LYSMD4: variants seen among roughly 807,000 people sequenced by gnomAD.
The protein encoded by LYSMD4 is LysM domain containing 4, also known as lysM and putative peptidoglycan-binding domain-containing protein 4.
LYSMD4 carries 9 observed loss-of-function variants against 6.1 expected under a neutral mutation model. The observed-to-expected ratio is 1.47, with a 90% CI of 0.88 to 2.56. The LOEUF is 2.56. Among genes scored for constraint, LYSMD4 ranks in the 30% most tolerant of loss-of-function variants. The pLI, the probability that LYSMD4 is intolerant of heterozygous loss-of-function variation, is 0.00. For missense variants in LYSMD4, 384 were observed against 373.5 expected, an observed-to-expected ratio of 1.03 and a Z score of -0.23; for synonymous variants, 143 against 148.5, an observed-to-expected ratio of 0.96 and a Z score of 0.27.
At position 99,732,016 on chromosome 15, in the gene LYSMD4, C is replaced by T. The variant is rs753645503; in HGVS notation, c.-8-9G>A. On this transcript the variant is annotated splice_polypyrimidine_tract_variant and intron_variant, in intron 1 of 2. Transcript: ENST00000684762. ...GTGCCTCATTTTCTTCACTGAAAATCAAGCCGGAGGGTTAATTCCACAGAA... is the reference window on the plus strand; with the variant it reads ...GTGCCTCATTTTCTTCACTGAAAATTAAGCCGGAGGGTTAATTCCACAGAA... 9.7e-6 allele frequency: 15 copies of T among 1,541,620 alleles called. No individual in the cohort carries two copies. In the East Asian group the frequency reaches 3.6e-4, roughly 37 times the overall value.
At chr15:99,731,198 G>A in intron 2 of LYSMD4, 1 of 1,612,710 alleles carries the variant, frequency 6.2e-7, no homozygotes. Flanking sequence ...CACTCTGAAT[G>A]CTGAAAACAT....
chr15:99,728,766 C>G lies in LYSMD4; in HGVS notation c.*357G>C. 3.7e-6 allele frequency: 1 copy of G among 269,124 alleles called. No homozygotes were observed. Among genetic ancestry groups the G allele is most frequent in the Non-Finnish European group, 7.3e-6 (1 of 137,118 alleles). The allele number at this position is 269,124 out of a possible 1,614,324, so 16.7% of individuals were successfully genotyped here. On this transcript the variant is annotated 3_prime_UTR_variant, in exon 3 of 3. Coordinates refer to ENST00000684762, the MANE Select transcript of LYSMD4 (RefSeq NM_001284417.2). Reference sequence around the variant, plus strand: ...GCAAGCCGCGCAGATGCCACTGGCTCTCACGCTGCAGGTCCCTCGACAGAG... The same window carrying G: ...GCAAGCCGCGCAGATGCCACTGGCTGTCACGCTGCAGGTCCCTCGACAGAG...
In LYSMD4 at chr15:99,729,032, A is replaced by G; in HGVS notation, c.*91T>C. Reference sequence around the variant, plus strand: ...AAAGTGTCCATCCTTCCCCGGAAGCAAAATGCAGCACCCCTAGGACATCGC... The same window carrying G: ...AAAGTGTCCATCCTTCCCCGGAAGCGAAATGCAGCACCCCTAGGACATCGC... On this transcript the variant is annotated 3_prime_UTR_variant, in exon 3 of 3. Transcript: ENST00000684762. The G allele has an allele frequency of 6.5e-7, 1 of 1,536,472 alleles. No individual in the cohort carries two copies. The highest frequency in any genetic ancestry group is 1.9e-5 in the Admixed American group (1 of 53,732).
At position 99,731,512 on chromosome 15, in the gene LYSMD4, TC is replaced by T. The variant is rs2059411088; in HGVS notation, c.282+205del. On this transcript the variant is annotated intron_variant, in intron 2 of 2. Coordinates refer to ENST00000684762, the MANE Select transcript of LYSMD4 (RefSeq NM_001284417.2). ...TGCAGAGAAAGAAATGCGCTAACCC[TC>T]CCTCTTTGGGGGCCAGGGTTGGGAA... The T allele has an allele frequency of 3.2e-6, 5 of 1,571,650 alleles. No individual in the cohort carries two copies. In the South Asian group the frequency reaches 6.0e-5, roughly 19 times the overall value.
intron 2 of LYSMD4, chr15:99,731,372 A>G: frequency 6.2e-7 from 1 of 1,613,454 alleles, no homozygotes; most frequent in Non-Finnish European, 8.5e-7. Flanking sequence ...GAAATCCGGA[A>G]TTAAATTCTG....
chr15:99,731,611 C>A, intron 2 of LYSMD4, 107 bp downstream of exon 2: 1 of 1,523,270 alleles, frequency 6.6e-7, no homozygotes. Flanking sequence ...CAGGCCTCTC[C>A]TGACGGCCTG....
downstream of LYSMD4, among the ~76,000 whole-genome samples, chr15:99,725,446 A>G (rs569817882): frequency 3.9e-5 from 6 of 152,244 alleles, no homozygotes; most frequent in African/African-American, 1.4e-4. Flanking sequence ...GGCCTCCACG[A>G]TCGCGATGGC....
rs2059461194 is a variant in LYSMD4, at chr15:99,733,090, A to G, written c.-9+255T>C. On this transcript the variant is annotated intron_variant, in intron 1 of 2. Coordinates refer to ENST00000684762, the MANE Select transcript of LYSMD4 (RefSeq NM_001284417.2). The stretch of plus-strand genomic sequence containing the variant: ...GGAAAATGGGGAGCGGCCCGGCCCC[A>G]GGGCTCCACGGCTCCACGGGCGGGG... 1.1e-5 allele frequency: 4 copies of G among 355,838 alleles called. No individual in the cohort carries two copies. In the East Asian group the frequency reaches 1.2e-4, roughly 11 times the overall value. 22.0% of individuals were successfully genotyped at this position (355,838 alleles called of 1,614,324 possible).
At chr15:99,731,047 T>C (rs1165324154) in intron 2 of LYSMD4, 2 of 838,440 alleles carry the variant, frequency 2.4e-6, no homozygotes, top group African/African-American at 1.7e-5. Context: ...GAAAGAGATT[T>C]CTTAAATTAA....
At chr15:99,716,449 C>T (rs757500344) in exon 1 of LYSMD4, 1 of 455,624 alleles carries the variant, frequency 2.2e-6, no homozygotes, top group South Asian at 1.6e-5. Flanking sequence ...TGTTTGTCTC[C>T]CGCACTCACT....
At chr15:99,725,374 C>T (rs1176646451), downstream of LYSMD4, among the ~76,000 whole-genome samples, 1 of 152,196 alleles carries the variant, frequency 6.6e-6, no homozygotes, top group African/African-American at 2.4e-5. Context: ...ACATTCTCAC[C>T]ACCTGTTTCT....
exon 1 of LYSMD4, chr15:99,716,872 T>C (rs1021218675): frequency 9.3e-5 from 33 of 353,016 alleles, no homozygotes; most frequent in African/African-American, 7.1e-4. Context: ...TAGCTATCAT[T>C]AGATTCTGGG....
At chr15:99,716,144 CT>C (rs1267784942) in exon 1 of LYSMD4, 1 of 158,810 alleles carries the variant, frequency 6.3e-6, no homozygotes, top group Non-Finnish European at 1.4e-5. Flanking sequence ...CTTCACTTTG[CT>C]GTGCAAGAAG....
exon 1 of LYSMD4, chr15:99,716,483 C>A (rs758936701): frequency 4.4e-6 from 2 of 456,710 alleles, no homozygotes; most frequent in Non-Finnish European, 8.8e-6. Context: ...ACTGGCTCTT[C>A]CTGTGCGTCG....
chr15:99,722,534 G>A (rs1469580575), downstream of LYSMD4, among the ~76,000 whole-genome samples: 2 of 152,164 alleles, frequency 1.3e-5, no homozygotes, highest in African/African-American at 2.4e-5. Flanking sequence ...AGAAAAACAA[G>A]AACATACAAT....
At chr15:99,716,661 C>T in exon 1 of LYSMD4, 2 of 456,804 alleles carry the variant, frequency 4.4e-6, no homozygotes, top group Middle Eastern at 3.3e-4. Flanking sequence ...AACGCCCCCA[C>T]TGGCCTCCCC....
chr15:99,722,326 C>G (rs569252249), upstream of LYSMD4, among the ~76,000 whole-genome samples: 1 of 152,048 alleles, frequency 6.6e-6, no homozygotes, highest in Non-Finnish European at 1.5e-5. Flanking sequence ...GGAGCAGGGC[C>G]GAATGAGTGC....
At chr15:99,720,448 C>G (rs2059229430), upstream of LYSMD4, among the ~76,000 whole-genome samples, 1 of 152,140 alleles carries the variant, frequency 6.6e-6, no homozygotes, top group Non-Finnish European at 1.5e-5. Context: ...AGCAAGACCT[C>G]CTCTCTACAA....
At chr15:99,731,173 T>G in intron 2 of LYSMD4, 1 of 1,612,398 alleles carries the variant, frequency 6.2e-7, no homozygotes, top group African/African-American at 1.3e-5. Flanking sequence ...TCCTACTTAC[T>G]TTGCCATTGT....
Sources: gnomAD v4.1 joint callset for allele counts (sites outside exome capture counted in the v4.1 genomes callset) on GRCh38, gnomAD v4.1.1 for gene constraint, MANE v1.5 for transcripts, NCBI Gene and HGNC (gene_info 2026-07-23, HGNC 2026-07-21) for gene names.